HCN1: variants seen among roughly 807,000 people sequenced by gnomAD.
HCN1 encodes the protein hyperpolarization activated cyclic nucleotide gated potassium channel 1, also known as potassium/sodium hyperpolarization-activated cyclic nucleotide-gated channel 1.
HCN1 carries 13 observed loss-of-function variants against 78.9 expected under a neutral mutation model. That is an observed-to-expected ratio of 0.16 (90% CI 0.11 to 0.26). HCN1 has a LOEUF of 0.26. Ranked by LOEUF, HCN1 falls within the 10% of genes least tolerant of loss-of-function variation. The pLI is 1.00. For missense variants in HCN1, 810 were observed against 1,154.3 expected (o/e 0.70, Z 4.32); for synonymous variants, 552 against 455.5 (o/e 1.21, Z -2.70).
chr5:45,518,121 A>G (rs930816762), intron 2 of HCN1, among the ~76,000 whole-genome samples: 1 of 152,096 alleles, frequency 6.6e-6, no homozygotes, highest in African/African-American at 2.4e-5. Context: ...ATTTGCCCAG[A>G]GTGATAGACT....
chr5:45,294,364 G>C (rs551625783), intron 6 of HCN1, among the ~76,000 whole-genome samples: 24 of 151,904 alleles, frequency 1.6e-4, no homozygotes, highest in African/African-American at 5.8e-4. Flanking sequence ...CACAGCTTGC[G>C]AAATGTCCAT....
rs147414665 is a variant in HCN1, at chr5:45,432,860, C to T, written c.1011+28986G>A. On this transcript the variant is annotated intron_variant, in intron 3 of 7. Transcript: ENST00000303230. ...TAAAGAAAAAGAGGTTTAATAGACT[C>T]GCAGTTTCACATGGCTAGGGAGGCA... 5.3e-5 allele frequency among the ~76,000 whole-genome samples: 8 copies of T among 152,172 alleles called. No individual in the cohort carries two copies. In the East Asian group the frequency reaches 7.7e-4, roughly 15 times the overall value.
At chr5:45,323,053 T>C (rs181266846) in intron 5 of HCN1, among the ~76,000 whole-genome samples, 28 of 152,000 alleles carry the variant, frequency 1.8e-4, no homozygotes, top group East Asian at 7.8e-4. Context: ...TAAAAACTGA[T>C]ACAGTTCCGT....
intron 5 of HCN1, among the ~76,000 whole-genome samples, chr5:45,342,849 C>T (rs1034668881): frequency 2.0e-5 from 3 of 151,984 alleles, no homozygotes; most frequent in East Asian, 1.9e-4. Flanking sequence ...AAAACATAGA[C>T]GAAATGTTCC....
rs563040011 is a variant in HCN1, at chr5:45,444,309, T to C, written c.1011+17537A>G. ...TTTAAATTAGTTTTGAAAGCATCAT[T>C]TCAGAATATAAGCAGACAGCCAGTG... On this transcript the variant is annotated intron_variant, in intron 3 of 7. Transcript: ENST00000303230. 1.1e-4 allele frequency among the ~76,000 whole-genome samples: 17 copies of C among 152,238 alleles called. 1 individual carries two copies. In the South Asian group the frequency reaches 3.5e-3, roughly 32 times the overall value.
At chr5:45,436,812 C>T (rs1002439396) in intron 3 of HCN1, among the ~76,000 whole-genome samples, 3 of 152,124 alleles carry the variant, frequency 2.0e-5, no homozygotes, top group African/African-American at 7.2e-5. Flanking sequence ...TATTGTTCTG[C>T]ACTTTTTGTT....
At chr5:45,580,188 G>A (rs753622785) in intron 2 of HCN1, among the ~76,000 whole-genome samples, 1 of 151,922 alleles carries the variant, frequency 6.6e-6, no homozygotes, top group Non-Finnish European at 1.5e-5. Context: ...AGGTAATTAC[G>A]GTTGAAAATC....
intron 1 of HCN1, among the ~76,000 whole-genome samples, chr5:45,659,217 A>T (rs1036319540): frequency 1.5e-3 from 217 of 147,184 alleles, no homozygotes; most frequent in African/African-American, 4.9e-3. Context: ...ACGGCAGGGT[A>T]TTCTAACAGA....
chr5:45,321,233 G>A (rs1441709119), intron 5 of HCN1, among the ~76,000 whole-genome samples: 1 of 151,844 alleles, frequency 6.6e-6, no homozygotes, highest in Non-Finnish European at 1.5e-5. Flanking sequence ...AAGAGGATGG[G>A]AACCTGATTT....
chr5:45,582,949 G>C (rs370663169), intron 2 of HCN1, among the ~76,000 whole-genome samples: 2 of 151,204 alleles, frequency 1.3e-5, no homozygotes, highest in Non-Finnish European at 2.9e-5. Context: ...TTTTGGCTTC[G>C]ATGTTCATCA....
chr5:45,447,212 C>CA (rs1234383496), intron 3 of HCN1, among the ~76,000 whole-genome samples: 2 of 151,932 alleles, frequency 1.3e-5, no homozygotes, highest in East Asian at 3.9e-4. Context: ...AAATGGAAAA[C>CA]AAAAAAAGGC....
At chr5:45,630,788 T>A (rs1745256726) in intron 2 of HCN1, among the ~76,000 whole-genome samples, 1 of 152,180 alleles carries the variant, frequency 6.6e-6, no homozygotes, top group Non-Finnish European at 1.5e-5. Context: ...CCTCTAAAGC[T>A]GTGATACATC....
intron 1 of HCN1, among the ~76,000 whole-genome samples, chr5:45,658,501 G>C (rs1435448373): frequency 1.3e-5 from 2 of 152,198 alleles, no homozygotes; most frequent in South Asian, 2.1e-4. Context: ...CAGCGTGAGC[G>C]ATGAAGAAGA....
chr5:45,560,382 C>A (rs1389054738), intron 2 of HCN1, among the ~76,000 whole-genome samples: 1 of 152,024 alleles, frequency 6.6e-6, no homozygotes, highest in Middle Eastern at 3.4e-3. Context: ...ATTTTAACAT[C>A]ATTTATAAAA....
chr5:45,439,954 CA>C (rs914775714), intron 3 of HCN1, among the ~76,000 whole-genome samples: 5 of 146,974 alleles, frequency 3.4e-5, no homozygotes, highest in Admixed American at 6.8e-5. Flanking sequence ...AAAAATATAA[CA>C]AAAATATATT....
chr5:45,535,452 G>T (rs918470338), intron 2 of HCN1, among the ~76,000 whole-genome samples: 9 of 152,056 alleles, frequency 5.9e-5, no homozygotes, highest in Admixed American at 1.3e-4. Context: ...ACAAAAATTA[G>T]CTGGGTGTGG....
rs572023371 is a variant in HCN1 at position 45,372,351 on chromosome 5, T to C, written c.1231-19105A>G. Among the ~76,000 whole-genome samples, 235 of 106,610 alleles carry C rather than the reference T, an allele frequency of 2.2e-3. 1 individual carries two copies. Among genetic ancestry groups the C allele is most frequent in the Admixed American group, 6.7e-3 (46 of 6,844 alleles). The allele number at this position is 106,610 out of a possible 152,430, so 69.9% of individuals were successfully genotyped here. On this transcript the variant is annotated intron_variant, in intron 4 of 7. Transcript: ENST00000303230. ...TATATAATATATATCATATATATTT[T>C]ACATATTATATATAAAACATATATA...
intron 4 of HCN1, among the ~76,000 whole-genome samples, chr5:45,373,240 A>G (rs1354645997): frequency 1.7e-5 from 2 of 120,948 alleles, no homozygotes; most frequent in Non-Finnish European, 3.2e-5. Flanking sequence ...TTTACATTAT[A>G]TATAATATAT....
chr5:45,341,165 A>G (rs1746572068), intron 5 of HCN1, among the ~76,000 whole-genome samples: 1 of 152,186 alleles, frequency 6.6e-6, no homozygotes, highest in Non-Finnish European at 1.5e-5. Context: ...CCGTTCACAG[A>G]TGGATCACTC....
Sources: allele counts gnomAD v4.1 joint callset (sites outside exome capture counted in the v4.1 genomes callset), GRCh38; gene constraint gnomAD v4.1.1; transcripts MANE v1.5; gene names NCBI Gene and HGNC (gene_info 2026-07-23, HGNC 2026-07-21).